Variants in MFAP4 observed in about 807,000 individuals in gnomAD.
MFAP4 encodes microfibril-associated glycoprotein 4.
Under a neutral mutation model 32.4 loss-of-function variants are expected in MFAP4, and 20 were observed. That is an observed-to-expected ratio of 0.62 (90% CI 0.43 to 0.90). MFAP4 has a LOEUF of 0.90. Ranked by LOEUF, MFAP4 falls within the 40% of genes least tolerant of loss-of-function variation. MFAP4 has a pLI of 0.00. For synonymous variants in MFAP4, 146 were observed against 137.4 expected (o/e 1.06, Z -0.44); for missense variants, 267 against 329.5 (o/e 0.81, Z 1.47).
chr17:19,386,079 G>A (rs1913020316), intron 3 of MFAP4, among the ~76,000 whole-genome samples: 1 of 152,248 alleles, frequency 6.6e-6, no homozygotes, highest in Non-Finnish European at 1.5e-5. Context: ...CTGAGATGGA[G>A]CCACTGCACT....
chr17:19,385,589 GT>G, intron 3 of MFAP4, 135 bp from the exon 4 acceptor site: 2 of 675,162 alleles, frequency 3.0e-6, no homozygotes. Flanking sequence ...GGTGGGGAGG[GT>G]GGTGGGAGTG....
chr17:19,386,544 A>G, intron 2 of MFAP4, 80 bp from the exon 3 acceptor site: 1 of 1,503,942 alleles, frequency 6.6e-7, no homozygotes, highest in Non-Finnish European at 9.1e-7. Flanking sequence ...GGTTTGCCTC[A>G]GTCCCTGGGG....
intron 3 of MFAP4, 132 bp from the exon 4 acceptor site, chr17:19,385,586 A>AG: frequency 2.3e-6 from 1 of 437,464 alleles, no homozygotes. Context: ...GGGGGTGGGG[A>AG]GGGTGGTGGG....
At chr17:19,386,972 T>TGGCGGGGGCCCCCCCCCCC in intron 1 of MFAP4, 134 bp from the exon 2 acceptor site, 2 of 937,000 alleles carry the variant, frequency 2.1e-6, no homozygotes, top group Non-Finnish European at 3.4e-6. Context: ...TGGCCCCTCT[T>TGGCGGGGGCCCCCCCCCCC]CCCTGCCCCC....
chr17:19,384,403 A>G lies in MFAP4; in HGVS notation c.*59T>C, dbSNP rs946591958. On this transcript the variant is annotated 3_prime_UTR_variant, in exon 6 of 6. Transcript: ENST00000299610. ...AGCATGCATCAGGGGCAGCAGAGGG[A>G]GCACTCATGGAGACCATGGGTGTCC... is the stretch of plus-strand genomic sequence containing the variant. The G allele has an allele frequency of 5.3e-6, 8 of 1,518,692 alleles. No homozygotes were observed. Among genetic ancestry groups the G allele is most frequent in the Non-Finnish European group, 7.1e-6 (8 of 1,124,440 alleles). 94.1% of individuals were successfully genotyped at this position (1,518,692 alleles called of 1,614,324 possible).
In MFAP4 at chr17:19,386,373, G is replaced by A. The variant is rs751145612; in HGVS notation, c.177C>T (p.Pro59=). The change falls in exon 3 of 6, where the codon CCC becomes CCT. Residue 59 remains proline, a synonymous_variant. Coordinates refer to ENST00000299610, the MANE Select transcript of MFAP4 (RefSeq NM_002404.3). ...CGGGCACAGGCACACTGGGGCCCGAGGGGTAGATGAGGTACACGCCGTCTG... is the reference window on the plus strand; with the variant it reads ...CGGGCACAGGCACACTGGGGCCCGAAGGGTAGATGAGGTACACGCCGTCTG... ...YQSDGVYLIY[P]SGPSVPVPVF... 1.2e-6 allele frequency: 2 copies of A among 1,613,938 alleles called. No homozygotes were observed. Among genetic ancestry groups the A allele is most frequent in the East Asian group, 2.2e-5 (1 of 44,870 alleles).
intron 3 of MFAP4, 106 bp downstream of exon 3, chr17:19,386,204 A>G: frequency 9.6e-7 from 1 of 1,043,604 alleles, no homozygotes; most frequent in Middle Eastern, 3.2e-4. Flanking sequence ...GGGTATCATT[A>G]TCCCCATTTT....
chr17:19,383,447 T>G lies in MFAP4; in HGVS notation c.*1015A>C. ...CCCCAACTCCCCCTGAACAATCCTT[T>G]TCAGTATTATATTTTTATTATTATT... On this transcript the variant is annotated 3_prime_UTR_variant, in exon 6 of 6. Transcript: ENST00000299610. The G allele has an allele frequency of 2.2e-6, 1 of 445,406 alleles. No homozygotes were observed. Among genetic ancestry groups the G allele is most frequent in the Non-Finnish European group, 4.0e-6 (1 of 252,816 alleles). 27.6% of individuals were successfully genotyped at this position (445,406 alleles called of 1,614,324 possible).
intron 2 of MFAP4, 85 bp downstream of exon 2, chr17:19,386,675 G>C (rs917539129): frequency 1.2e-5 from 17 of 1,446,844 alleles, no homozygotes; most frequent in Non-Finnish European, 1.6e-5. Flanking sequence ...GCTGGGGCTC[G>C]GCCCTGACAG....
chr17:19,386,976 T>TCCCCCCCC, intron 1 of MFAP4, 138 bp from the exon 2 acceptor site: 1 of 590,548 alleles, frequency 1.7e-6, no homozygotes, highest in South Asian at 1.6e-5. Flanking sequence ...CCCTCTTCCC[T>TCCCCCCCC]GCCCCCCCAC....
rs1208323799 is a variant in MFAP4 at position 19,385,383 on chromosome 17, G to T, written c.312C>A (p.Gly104=). 1.2e-6 allele frequency: 2 copies of T among 1,614,132 alleles called. No individual in the cohort carries two copies. Among genetic ancestry groups the T allele is most frequent in the African/African-American group, 2.7e-5 (2 of 74,948 alleles). The change falls in exon 4 of 6, where the codon GGC becomes GGA. Residue 104 remains glycine, a synonymous_variant. Coordinates refer to ENST00000299610, the MANE Select transcript of MFAP4 (RefSeq NM_002404.3). ...CCAGCCAGTACTCTCCATCAGCACG[G>T]CCGAAGCCCAGCTTGTAGTCATTCC... ...RGWNDYKLGF[G]RADGEYWLGL...
In MFAP4 at chr17:19,384,713, G is replaced by T; in HGVS notation, c.521-4C>A. The T allele has an allele frequency of 6.2e-7, 1 of 1,614,018 alleles. No homozygotes were observed. Among genetic ancestry groups the T allele is most frequent in the South Asian group, 1.1e-5 (1 of 91,088 alleles). On this transcript the variant is annotated splice_region_variant and splice_polypyrimidine_tract_variant and intron_variant, in intron 5 of 5. Transcript: ENST00000299610. ...CTGTGGTAGGACAGGGAGTCACCTGGCAGAGGAGAGAAGGGTTGGGGCTGC... is the reference window on the plus strand; with the variant it reads ...CTGTGGTAGGACAGGGAGTCACCTGTCAGAGGAGAGAAGGGTTGGGGCTGC...
intron 3 of MFAP4, among the ~76,000 whole-genome samples, chr17:19,385,655 A>G (rs2060844776): frequency 6.6e-6 from 1 of 152,214 alleles, no homozygotes; most frequent in African/African-American, 2.4e-5. Flanking sequence ...AGCAGTTGCC[A>G]GCACCCACCT....
chr17:19,387,090 G>A (rs1913070095), intron 1 of MFAP4, 60 bp downstream of exon 1: 2 of 1,612,930 alleles, frequency 1.2e-6, no homozygotes, highest in African/African-American at 1.3e-5. Context: ...TGTGGCCAGG[G>A]GCCTCTGGAG....
Position 19,387,175 on chromosome 17 carries a change from G to A in MFAP4, c.-20C>T. The A allele has an allele frequency of 2.6e-6, 4 of 1,557,802 alleles. No individual in the cohort carries two copies. Among genetic ancestry groups the A allele is most frequent in the Non-Finnish European group, 3.5e-6 (4 of 1,130,818 alleles). The stretch of plus-strand genomic sequence containing the variant: ...CTTCATGCTGTCAGTTCTGCTCAGA[G>A]TGGCTGGGTGTCTGCGGCCCCAGAC... On this transcript the variant is annotated 5_prime_UTR_variant, in exon 1 of 6. Coordinates refer to ENST00000299610, the MANE Select transcript of MFAP4 (RefSeq NM_002404.3).
chr17:19,384,777 G>T (rs1912960869), intron 5 of MFAP4, 68 bp from the exon 6 acceptor site: 1 of 1,595,760 alleles, frequency 6.3e-7, no homozygotes, highest in Non-Finnish European at 8.6e-7. Context: ...CCGGGAGAGG[G>T]TGACAATGAC....
In MFAP4 at chr17:19,384,263, GTA is replaced by G; in HGVS notation, c.*197_*198del. On this transcript the variant is annotated 3_prime_UTR_variant, in exon 6 of 6. Transcript: ENST00000299610. ...AACTGCTGGCAGTGTAACTTCAGGTGTAGGGGAGCCGGGTCTGGCTTAGGAAT... is the reference window on the plus strand; with the variant it reads ...AACTGCTGGCAGTGTAACTTCAGGTGGGGGAGCCGGGTCTGGCTTAGGAAT... 1 of 622,088 alleles carries G rather than the reference GTA, an allele frequency of 1.6e-6. No individual in the cohort carries two copies. The allele number at this position is 622,088 out of a possible 1,614,324, so 38.5% of individuals were successfully genotyped here. A position where few individuals can be genotyped will look rare whatever the true frequency, so the allele number is the denominator to read the frequency against.
chr17:19,384,701 G>A lies in MFAP4; in HGVS notation c.529C>T (p.Leu177=), dbSNP rs1471163509. 3 of 1,614,126 alleles carry A rather than the reference G, an allele frequency of 1.9e-6. No homozygotes were observed. The highest frequency in any genetic ancestry group is 4.5e-5 in the East Asian group (2 of 44,884). ...GFEDGGAGDS[L]SYHSGQKFST... Reference sequence around the variant, plus strand: ...AACTTCTGGCCACTGTGGTAGGACAGGGAGTCACCTGGCAGAGGAGAGAAG... The same window carrying A: ...AACTTCTGGCCACTGTGGTAGGACAAGGAGTCACCTGGCAGAGGAGAGAAG... The change falls in exon 6 of 6, where the codon CTG becomes TTG. Residue 177 remains leucine (L), a synonymous_variant. Coordinates refer to ENST00000299610, the MANE Select transcript of MFAP4 (RefSeq NM_002404.3).
In MFAP4 at chr17:19,383,468, T is replaced by C. The variant is rs1225230147; in HGVS notation, c.*994A>G. ...CCTTTTCAGTATTATATTTTTATTATTATTATGTTATTATTACACTGTCTT... is the reference window on the plus strand; with the variant it reads ...CCTTTTCAGTATTATATTTTTATTACTATTATGTTATTATTACACTGTCTT... On this transcript the variant is annotated 3_prime_UTR_variant, in exon 6 of 6. Transcript: ENST00000299610. The C allele has an allele frequency of 5.6e-6, 2 of 354,506 alleles. No individual in the cohort carries two copies. The highest frequency in any genetic ancestry group is 4.6e-5 in the East Asian group (1 of 21,730). 22.0% of individuals were successfully genotyped at this position (354,506 alleles called of 1,614,324 possible). A position where few individuals can be genotyped will look rare whatever the true frequency, so the allele number is the denominator to read the frequency against.
Sources: allele counts gnomAD v4.1 joint callset (sites outside exome capture counted in the v4.1 genomes callset), GRCh38; gene constraint gnomAD v4.1.1; transcripts MANE v1.5; gene names NCBI Gene and HGNC (gene_info 2026-07-23, HGNC 2026-07-21).